The following ELP4 variants were observed in gnomAD, a reference collection of about 807,000 sequenced individuals.
ELP4 encodes elongator acetyltransferase complex subunit 4, also known as elongator complex protein 4.
In ELP4, 51 loss-of-function variants were observed where a neutral mutation model predicts 48.9. The ratio of observed to expected loss-of-function variants is 1.04; its 90% CI spans 0.83 to 1.32. The LOEUF is 1.32. ELP4 is among the 40% of genes most tolerant of loss of function. The pLI is 0.00. For synonymous variants in ELP4, 210 were observed against 189.2 expected (o/e 1.11, Z -0.90); for missense variants, 519 against 514.6 (o/e 1.01, Z -0.08).
intron 9 of ELP4, chr11:31,719,671 GC>G (rs1183159107): frequency 2.6e-4 from 101 of 387,848 alleles, no homozygotes; most frequent in African/African-American, 1.7e-3. Context: ...GAATTATACA[GC>G]ATAAGAATTA....
intron 3 of ELP4, among the ~76,000 whole-genome samples, chr11:31,548,212 G>A (rs1956771143): frequency 1.3e-5 from 2 of 152,204 alleles, no homozygotes; most frequent in Non-Finnish European, 1.5e-5. Context: ...GTTTACAGAT[G>A]ACGTGATTGT....
At chr11:31,599,140 A>C (rs1957733110) in intron 4 of ELP4, 2 of 152,166 alleles carry the variant, frequency 1.3e-5, no homozygotes, top group Admixed American at 1.3e-4. Context: ...GTAGGTGCTC[A>C]GTAATTATTT....
rs1949012843 is a variant in ELP4, at chr11:31,789,154, A to G, written c.*5630A>G. On this transcript the variant is annotated 3_prime_UTR_variant, in exon 10 of 10. Transcript: ENST00000640961. ...CTTTTGCTGGCCAAAAAAGAAACGT[A>G]TGATTGCATGAAAATGTGTATAAAA... 1 of 203,880 alleles carries G rather than the reference A, an allele frequency of 4.9e-6. No individual in the cohort carries two copies. Among genetic ancestry groups the G allele is most frequent in the Non-Finnish European group, 1.0e-5 (1 of 99,248 alleles). 12.6% of individuals were successfully genotyped at this position (203,880 alleles called of 1,614,324 possible).
chr11:31,594,211 G>A (rs1352944574), intron 3 of ELP4, among the ~76,000 whole-genome samples: 2 of 152,096 alleles, frequency 1.3e-5, no homozygotes, highest in African/African-American at 4.8e-5. Flanking sequence ...GTAACTTACT[G>A]TCTCTTCATT....
At chr11:31,721,291 A>G (rs558072530) in intron 9 of ELP4, among the ~76,000 whole-genome samples, 1 of 152,304 alleles carries the variant, frequency 6.6e-6, no homozygotes, top group Admixed American at 6.5e-5. Context: ...GTCTGATGCC[A>G]AGATGCCTTA....
intron 9 of ELP4, among the ~76,000 whole-genome samples, chr11:31,667,270 G>A (rs1262566416): frequency 6.6e-6 from 1 of 152,118 alleles, no homozygotes; most frequent in Admixed American, 6.5e-5. Flanking sequence ...TTTAATTAAA[G>A]TTTATTATTC....
At chr11:31,709,821 G>T (rs1307177805) in intron 9 of ELP4, among the ~76,000 whole-genome samples, 1 of 152,144 alleles carries the variant, frequency 6.6e-6, no homozygotes, top group Non-Finnish European at 1.5e-5. Flanking sequence ...AGCTTGGGAA[G>T]TAAGATTTAC....
chr11:31,684,284 G>A (rs1946116820), intron 9 of ELP4, among the ~76,000 whole-genome samples: 1 of 151,566 alleles, frequency 6.6e-6, no homozygotes, highest in Admixed American at 6.6e-5. Context: ...TTGGCTCACT[G>A]CAACCTCCAC....
intron 3 of ELP4, among the ~76,000 whole-genome samples, chr11:31,584,814 C>T (rs908037830): frequency 6.6e-6 from 1 of 152,124 alleles, no homozygotes; most frequent in Non-Finnish European, 1.5e-5. Flanking sequence ...CATGAGCCAC[C>T]ACGCCCGGCC....
chr11:31,674,549 A>G (rs1267094154), intron 9 of ELP4, among the ~76,000 whole-genome samples: 1 of 152,222 alleles, frequency 6.6e-6, no homozygotes, highest in Non-Finnish European at 1.5e-5. Context: ...TATATTTGGA[A>G]AGCTGTGTTA....
intron 3 of ELP4, among the ~76,000 whole-genome samples, chr11:31,563,289 G>T (rs1298207755): frequency 6.6e-6 from 1 of 152,098 alleles, no homozygotes; most frequent in Admixed American, 6.5e-5. Flanking sequence ...GTGATTAAGA[G>T]GGTGTGAGGT....
chr11:31,673,737 T>A (rs985368757), intron 9 of ELP4, among the ~76,000 whole-genome samples: 2 of 152,242 alleles, frequency 1.3e-5, no homozygotes, highest in Non-Finnish European at 2.9e-5. Flanking sequence ...GTTAAAACTT[T>A]ATATGCTATA....
Position 31,785,187 on chromosome 11 carries a change from CAA to C in ELP4, c.*1666_*1667del, listed in dbSNP as rs1948517498. On this transcript the variant is annotated 3_prime_UTR_variant, in exon 10 of 10. Transcript: ENST00000640961. ...TAAATAATGTTGTGCGGATACTCCA[CAA>C]AAGCTCTGCTATGTCCTTTGAAAGC... The C allele has an allele frequency of 5.4e-6, 1 of 183,588 alleles. No homozygotes were observed. Among genetic ancestry groups the C allele is most frequent in the Non-Finnish European group, 1.2e-5 (1 of 86,310 alleles). 11.4% of individuals were successfully genotyped at this position (183,588 alleles called of 1,614,324 possible).
intron 3 of ELP4, among the ~76,000 whole-genome samples, chr11:31,548,475 G>A (rs1268450653): frequency 6.6e-6 from 1 of 151,970 alleles, no homozygotes; most frequent in African/African-American, 2.4e-5. Context: ...ACTGCTCAAT[G>A]AAATAAAAGA....
chr11:31,512,784 GCCCTCCGCCCC>G (rs1485611751), intron 1 of ELP4, among the ~76,000 whole-genome samples: 2 of 141,062 alleles, frequency 1.4e-5, no homozygotes, highest in Non-Finnish European at 3.1e-5. Flanking sequence ...AATGCCCCCT[GCCCTCCGCCCC>G]CCCTCCCCCG....
At chr11:31,721,175 T>C (rs1480770018) in intron 9 of ELP4, among the ~76,000 whole-genome samples, 1 of 152,228 alleles carries the variant, frequency 6.6e-6, no homozygotes, top group African/African-American at 2.4e-5. Flanking sequence ...CCTGGAAAGA[T>C]GTACTTTTGA....
At chr11:31,669,817 T>C (rs570757216) in intron 9 of ELP4, among the ~76,000 whole-genome samples, 1 of 152,236 alleles carries the variant, frequency 6.6e-6, no homozygotes, top group Non-Finnish European at 1.5e-5. Flanking sequence ...GAGAAGGGTA[T>C]TAGTAATCAG....
chr11:31,747,544 A>G (rs1236059942), intron 9 of ELP4, among the ~76,000 whole-genome samples: 1 of 152,210 alleles, frequency 6.6e-6, no homozygotes, highest in East Asian at 1.9e-4. Flanking sequence ...TACTCACAAT[A>G]TATTAGTTTC....
At chr11:31,580,333 T>C (rs1957367432) in intron 3 of ELP4, among the ~76,000 whole-genome samples, 1 of 152,222 alleles carries the variant, frequency 6.6e-6, no homozygotes, top group Admixed American at 6.5e-5. Context: ...CTTAATACTG[T>C]GAAATAGGAG....
Sources: allele counts gnomAD v4.1 joint callset (sites outside exome capture counted in the v4.1 genomes callset), GRCh38; gene constraint gnomAD v4.1.1; transcripts MANE v1.5; gene names NCBI Gene and HGNC (gene_info 2026-07-23, HGNC 2026-07-21).